The following FN1 variants were observed in gnomAD, a reference collection of about 807,000 sequenced individuals.
FN1 encodes fibronectin 1.
Under a neutral mutation model 297.3 loss-of-function variants are expected in FN1, and 106 were observed. That is an observed-to-expected ratio of 0.36 (90% CI 0.30 to 0.42). The LOEUF (loss-of-function observed/expected upper bound fraction) is 0.42, where lower values mean the gene tolerates loss of function less well. Among genes scored for constraint, FN1 ranks in the 10% least tolerant of loss-of-function variants. The pLI is 1.00. For synonymous variants in FN1, 1,149 were observed against 1,152.6 expected (o/e 1.00, Z 0.06); for missense variants, 2,690 against 3,124.9 (o/e 0.86, Z 3.32).
chr2:215,371,673 CTTT>C lies in FN1; in HGVS notation c.6714+233_6714+235del, dbSNP rs11358448. Among the ~76,000 whole-genome samples the C allele has an allele frequency of 0.39, 42,332 of 109,150 alleles. 8,342 individuals carry two copies. The highest frequency in any genetic ancestry group is 0.63 in the South Asian group (2,053 of 3,284). 71.6% of individuals were successfully genotyped at this position (109,150 alleles called of 152,430 possible). ...CTAAGAGGTTCTAAAAGTGGAGCCACTTTTTTTTTTTTTTTTTTTTCAAGAGAC... is the reference window on the plus strand; with the variant it reads ...CTAAGAGGTTCTAAAAGTGGAGCCACTTTTTTTTTTTTTTTTTCAAGAGAC... On this transcript the variant is annotated intron_variant, in intron 40 of 45. Transcript: ENST00000354785.
intron 40 of FN1, among the ~76,000 whole-genome samples, chr2:215,371,106 A>G (rs1198097601): frequency 7.2e-6 from 1 of 139,690 alleles, no homozygotes; most frequent in Non-Finnish European, 1.6e-5. Context: ...CGTCTCTACT[A>G]AAAATACAAA....
intron 15 of FN1, 59 bp downstream of exon 15, chr2:215,409,501 CCCA>C (rs1253881825): frequency 1.1e-5 from 17 of 1,533,568 alleles, no homozygotes; most frequent in Non-Finnish European, 1.4e-5. Context: ...GCCACCCACC[CCCA>C]CAAGGAGAGT....
In FN1 at chr2:215,423,468, T is replaced by C. The variant is rs2064799278; in HGVS notation, c.1275A>G (p.Leu425=). 1 of 1,614,180 alleles carries C rather than the reference T, an allele frequency of 6.2e-7. No individual in the cohort carries two copies. The highest frequency in any genetic ancestry group is 8.5e-7 in the Non-Finnish European group (1 of 1,180,026). The change falls in exon 9 of 46, where the codon CTA becomes CTG. Residue 425 remains leucine (L), a synonymous_variant. Coordinates refer to ENST00000354785, the MANE Select transcript of FN1 (RefSeq NM_212482.4). ...SNGALCHFPF[L]YNNHNYTDCT... The stretch of plus-strand genomic sequence containing the variant: ...AATCAGTGTAATTGTGGTTGTTGTA[T>C]AGGAAGGGGAAGTGGCACAAGGCAC...
In FN1 at chr2:215,372,269, C is replaced by G; in HGVS notation, c.6354G>C (p.Gly2118=). The change falls in exon 40 of 46, where the codon GGG becomes GGC. Residue 2118 remains glycine (G), a synonymous_variant. Transcript: ENST00000354785. ...VQKTPFVTHP[G]YDTGNGIQLP... is the part of the protein sequence containing the mutation. Reference sequence around the variant, plus strand: ...GCTGAATACCATTTCCAGTGTCATACCCAGGGTGGGTGACGAAAGGGGTCT... The same window carrying G: ...GCTGAATACCATTTCCAGTGTCATAGCCAGGGTGGGTGACGAAAGGGGTCT... The G allele has an allele frequency of 6.2e-7, 1 of 1,614,188 alleles. No homozygotes were observed. The highest frequency in any genetic ancestry group is 8.5e-7 in the Non-Finnish European group (1 of 1,180,024).
At chr2:215,372,464 G>A in intron 39 of FN1, 89 bp from the exon 40 acceptor site, 1 of 953,944 alleles carries the variant, frequency 1.0e-6, no homozygotes, top group Non-Finnish European at 1.7e-6. Flanking sequence ...AGGCAACAAT[G>A]ACTGTTCATC....
At chr2:215,403,661 G>A (rs767248121) in intron 20 of FN1, among the ~76,000 whole-genome samples, 1 of 152,190 alleles carries the variant, frequency 6.6e-6, no homozygotes, top group Non-Finnish European at 1.5e-5. Flanking sequence ...TTATTGTGAT[G>A]TAGATATGTG....
intron 26 of FN1, among the ~76,000 whole-genome samples, chr2:215,389,660 C>T (rs1163362508): frequency 6.6e-6 from 1 of 151,834 alleles, no homozygotes; most frequent in South Asian, 2.1e-4. Context: ...CGTGGTGGCT[C>T]ACGCCTGTAA....
intron 37 of FN1, 96 bp downstream of exon 37, chr2:215,375,533 A>T: frequency 8.0e-7 from 1 of 1,249,748 alleles, no homozygotes; most frequent in Non-Finnish European, 1.2e-6. Flanking sequence ...TCTGGAATCT[A>T]TAATACAAAA....
intron 7 of FN1, 92 bp downstream of exon 7, chr2:215,424,998 CTTGT>C (rs1174215693): frequency 1.1e-5 from 13 of 1,140,418 alleles, no homozygotes; most frequent in African/African-American, 1.5e-5. Flanking sequence ...TTACAGGCTT[CTTGT>C]TTGTTTTATT....
In FN1 at chr2:215,393,058, A is replaced by G; in HGVS notation, c.3942T>C (p.Asp1314=). 6.2e-7 allele frequency: 1 copy of G among 1,614,038 alleles called. No homozygotes were observed. The highest frequency in any genetic ancestry group is 8.5e-7 in the Non-Finnish European group (1 of 1,180,030). The change falls in exon 25 of 46, where the codon GAT becomes GAC. Residue 1314 remains aspartate, a synonymous_variant. Transcript: ENST00000354785. ...AGTATCCTACTGAGGAGTCCACAAAATCTTCAAAAATAGGGATACCTTCTC... is the reference window on the plus strand; with the variant it reads ...AGTATCCTACTGAGGAGTCCACAAAGTCTTCAAAAATAGGGATACCTTCTC... ...AAGEGIPIFE[D]FVDSSVGYYT...
rs764149816 is a variant in FN1, at chr2:215,393,162, C to G, written c.3838G>C (p.Asp1280His). 1 of 1,613,668 alleles carries G rather than the reference C, an allele frequency of 6.2e-7. No homozygotes were observed. The highest frequency in any genetic ancestry group is 1.1e-5 in the South Asian group (1 of 91,064). Residue 1280 changes from aspartate to histidine, a missense_variant, in exon 25 of 46, where the codon GAT (aspartate) becomes CAT (histidine). Transcript: ENST00000354785. ...LTDLSFVDIT[D>H]SSIGLRWTPL... ...GTCCACCTCAGGCCGATGCTTGAAT[C>G]GGTTATATCAACAAAGCTTAGGTCA...
At chr2:215,414,697 T>C in intron 13 of FN1, 140 bp downstream of exon 13, 1 of 1,449,350 alleles carries the variant, frequency 6.9e-7, no homozygotes, top group East Asian at 2.5e-5. Flanking sequence ...CACATATTGT[T>C]TGTTCACTAA....
chr2:215,389,799 A>C (rs1161351525), intron 26 of FN1, among the ~76,000 whole-genome samples: 1 of 46,390 alleles, frequency 2.2e-5, no homozygotes, highest in Admixed American at 2.6e-4. Context: ...CAAAAACAAA[A>C]CAAAACAAAA....
rs369921195 is a variant in FN1, at chr2:215,372,155, C to T, written c.6468G>A (p.Thr2156=). 69 of 1,614,090 alleles carry T rather than the reference C, an allele frequency of 4.3e-5. No homozygotes were observed. Among genetic ancestry groups the T allele is most frequent in the South Asian group, 5.5e-5 (5 of 91,092 alleles). ...HGFRRTTPPT[T]ATPIRHRPRP... is the part of the protein sequence containing the mutation. ...TTGGCCTATGCCTTATGGGGGTGGC[C>T]GTTGTGGGCGGTGTGGTCCGCCTAA... Residue 2156 remains threonine (T), a synonymous_variant, in exon 40 of 46, where the codon ACG becomes ACA. Transcript: ENST00000354785.
Position 215,364,963 on chromosome 2 carries a change from A to G in FN1, c.7167T>C (p.Asp2389=), listed in dbSNP as rs755041976. The G allele has an allele frequency of 1.5e-5, 24 of 1,579,726 alleles. No homozygotes were observed. Among genetic ancestry groups the G allele is most frequent in the Non-Finnish European group, 1.9e-5 (22 of 1,161,432 alleles). The change falls in exon 44 of 46, where the codon GAT becomes GAC. Residue 2389 remains aspartate, a synonymous_variant. Coordinates refer to ENST00000354785, the MANE Select transcript of FN1 (RefSeq NM_212482.4). ...GTTCTCCTACGTGGTATGTCTTCCC[A>G]TCATCATAACACGTTGCCTCATCTG... ...CDPHEATCYD[D]GKTYHVGEQW...
At chr2:215,382,809 C>G (rs1268708639) in intron 31 of FN1, among the ~76,000 whole-genome samples, 2 of 152,042 alleles carry the variant, frequency 1.3e-5, no homozygotes, top group Admixed American at 1.3e-4. Context: ...CATGTAAAAA[C>G]AGAAATGCAC....
At chr2:215,411,780 C>A (rs2062679252) in intron 13 of FN1, among the ~76,000 whole-genome samples, 1 of 151,658 alleles carries the variant, frequency 6.6e-6, no homozygotes, top group South Asian at 2.1e-4. Flanking sequence ...GATTCTCCTG[C>A]CTCAGCTTCC....
chr2:215,383,526 TG>T (rs1559395726), intron 30 of FN1, 43 bp from the exon 31 acceptor site: 1 of 1,608,010 alleles, frequency 6.2e-7, no homozygotes, highest in South Asian at 1.1e-5. Flanking sequence ...CCCCAGTCCT[TG>T]GAGACAAGAT....
chr2:215,395,849 G>A (rs2060245637), intron 23 of FN1, among the ~76,000 whole-genome samples: 1 of 152,172 alleles, frequency 6.6e-6, no homozygotes, highest in African/African-American at 2.4e-5. Flanking sequence ...CCATATGTGT[G>A]GGCTGGGCCA....
Sources: allele counts gnomAD v4.1 joint callset (sites outside exome capture counted in the v4.1 genomes callset), GRCh38; gene constraint gnomAD v4.1.1; transcripts MANE v1.5; gene names NCBI Gene and HGNC (gene_info 2026-07-23, HGNC 2026-07-21).